Variants in IGFBP3 observed in about 807,000 individuals in gnomAD.
IGFBP3 encodes insulin like growth factor binding protein 3.
Under a neutral mutation model 28.6 loss-of-function variants are expected in IGFBP3, and 9 were observed. The ratio of observed to expected loss-of-function variants is 0.31; its 90% CI spans 0.19 to 0.55. The LOEUF (loss-of-function observed/expected upper bound fraction) is 0.55. Among genes scored for constraint, IGFBP3 ranks in the 20% least tolerant of loss-of-function variants. The pLI is 0.93. For missense variants in IGFBP3, 382 were observed against 428.9 expected (o/e 0.89, Z 0.97); for synonymous variants, 185 against 188.2 (o/e 0.98, Z 0.14).
Position 45,920,562 on chromosome 7 carries a change from G to T in IGFBP3, c.403+176C>A, listed in dbSNP as rs1424293428. 5.9e-6 allele frequency: 3 copies of T among 511,752 alleles called. No homozygotes were observed. The Admixed American group carries it at 1.3e-4, about 23-fold the overall frequency. The allele number at this position is 511,752 out of a possible 1,614,324, so 31.7% of individuals were successfully genotyped here. A position where few individuals can be genotyped will look rare whatever the true frequency, so the allele number is the denominator to read the frequency against. Reference sequence around the variant, plus strand: ...ATCGAGCAAGTAGAGGGCCGGCTGGGGAGGGTCCCTCCGGCGACCGCCTTC... The same window carrying T: ...ATCGAGCAAGTAGAGGGCCGGCTGGTGAGGGTCCCTCCGGCGACCGCCTTC... On this transcript the variant is annotated intron_variant, in intron 1 of 4. Transcript: ENST00000613132.
chr7:45,920,825 C>T lies in IGFBP3; in HGVS notation c.316G>A (p.Ala106Thr). The change falls in exon 1 of 5, where the codon GCG becomes ACG. Residue 106 changes from alanine to threonine, a missense_variant. By Grantham distance (58) the Ala-to-Thr change is moderately conservative. Transcript: ENST00000613132. Reference sequence around the variant, plus strand: ...CAGAGCCCGCGGCCGTCCAGCAGCGCCTGCAGCGGTCGCGCCTCGTCGGGC... The same window carrying T: ...CAGAGCCCGCGGCCGTCCAGCAGCGTCTGCAGCGGTCGCGCCTCGTCGGGC... ...PSPDEARPLQ[A>T]LLDGRGLCVN... 7.1e-7 allele frequency: 1 copy of T among 1,407,690 alleles called. No individual in the cohort carries two copies. Among genetic ancestry groups the T allele is most frequent in the Non-Finnish European group, 9.2e-7 (1 of 1,089,636 alleles). The allele number at this position is 1,407,690 out of a possible 1,614,324, so 87.2% of individuals were successfully genotyped here. A position where few individuals can be genotyped will look rare whatever the true frequency, so the allele number is the denominator to read the frequency against.
At position 45,912,824 on chromosome 7, in the gene IGFBP3, T is replaced by C. The variant is rs1359817537; in HGVS notation, c.*1026A>G. On this transcript the variant is annotated 3_prime_UTR_variant, in exon 5 of 5. Coordinates refer to ENST00000613132, the MANE Select transcript of IGFBP3 (RefSeq NM_000598.5). ...TTCAACAAACATGGGTGAATCTCTATGTGCTCCCAGTGTCCTGGATGGGCT... is the reference window on the plus strand; with the variant it reads ...TTCAACAAACATGGGTGAATCTCTACGTGCTCCCAGTGTCCTGGATGGGCT... The C allele has an allele frequency of 6.6e-6, 1 of 152,666 alleles. No individual in the cohort carries two copies. The highest frequency in any genetic ancestry group is 1.5e-5 in the Non-Finnish European group (1 of 68,050). The allele number at this position is 152,666 out of a possible 1,614,324, so 9.5% of individuals were successfully genotyped here.
Position 45,914,795 on chromosome 7 carries a change from G to C in IGFBP3, c.*15+10C>G. On this transcript the variant is annotated intron_variant, in intron 4 of 4. Transcript: ENST00000613132. ...CCTGGAGCCCCAGGCTGCCCCTCCT[G>C]AGTACTCACCCTTGCGGCAGGCGTC... The C allele has an allele frequency of 1.9e-6, 3 of 1,612,804 alleles. No individual in the cohort carries two copies. Among genetic ancestry groups the C allele is most frequent in the Non-Finnish European group, 2.5e-6 (3 of 1,179,256 alleles).
In IGFBP3 at chr7:45,914,796, A is replaced by G. The variant is rs771979362; in HGVS notation, c.*15+9T>C. On this transcript the variant is annotated intron_variant, in intron 4 of 4. Coordinates refer to ENST00000613132, the MANE Select transcript of IGFBP3 (RefSeq NM_000598.5). ...CTGGAGCCCCAGGCTGCCCCTCCTG[A>G]GTACTCACCCTTGCGGCAGGCGTCT... 6.2e-7 allele frequency: 1 copy of G among 1,612,878 alleles called. No individual in the cohort carries two copies. Among genetic ancestry groups the G allele is most frequent in the Admixed American group, 1.7e-5 (1 of 59,968 alleles).
intron 1 of IGFBP3, 198 bp downstream of exon 1, chr7:45,920,540 G>A (rs1048888605): frequency 2.2e-6 from 1 of 446,542 alleles, no homozygotes; most frequent in Non-Finnish European, 3.8e-6. Flanking sequence ...TTAGAGAATC[G>A]AGCAAGTAGA....
chr7:45,920,345 T>TA (rs2116584218), intron 1 of IGFBP3: 1 of 117,528 alleles, frequency 8.5e-6, no homozygotes, highest in East Asian at 1.8e-4. Flanking sequence ...CAAATCCGCC[T>TA]ATATCCCCCC....
rs140518690 is a variant in IGFBP3 at position 45,916,081 on chromosome 7, C to T, written c.750+467G>A. 8.3e-4 allele frequency among the ~76,000 whole-genome samples: 126 copies of T among 152,304 alleles called. 3 individuals are homozygous for T. The East Asian group carries it at 0.014, about 17-fold the overall frequency. On this transcript the variant is annotated intron_variant, in intron 3 of 4. Transcript: ENST00000613132. ...CTTAATATTGCAACCTGCTCACTAT[C>T]GGGAAGGCATCAGTAGGAAAGGGGA...
At chr7:45,920,550 A>T (rs1784670445) in intron 1 of IGFBP3, 188 bp downstream of exon 1, 1 of 467,496 alleles carries the variant, frequency 2.1e-6, no homozygotes, top group Non-Finnish European at 3.6e-6. Flanking sequence ...GAGCAAGTAG[A>T]GGGCCGGCTG....
At chr7:45,915,892 T>A (rs998783405) in intron 3 of IGFBP3, among the ~76,000 whole-genome samples, 6 of 152,040 alleles carry the variant, frequency 3.9e-5, no homozygotes, top group African/African-American at 1.4e-4. Context: ...TCAAGTTCCA[T>A]CCCCTCCACG....
At chr7:45,915,035 G>C in intron 3 of IGFBP3, 90 bp from the exon 4 acceptor site, 1 of 1,462,924 alleles carries the variant, frequency 6.8e-7, no homozygotes, top group Non-Finnish European at 9.4e-7. Flanking sequence ...TTGCCAGCGT[G>C]ACTCTGCTAT....
intron 1 of IGFBP3, chr7:45,919,916 AT>A (rs1326063773): frequency 2.8e-5 from 3 of 105,934 alleles, no homozygotes; most frequent in African/African-American, 1.2e-4. Context: ...ACAACATCTC[AT>A]TCCCCCCCCC....
chr7:45,916,077 C>CT (rs1267001390), intron 3 of IGFBP3, among the ~76,000 whole-genome samples: 4 of 152,218 alleles, frequency 2.6e-5, no homozygotes, highest in Non-Finnish European at 5.9e-5. Context: ...AACCTGCTCA[C>CT]TATCGGGAAG....
rs901834642 is a variant in IGFBP3 at position 45,915,061 on chromosome 7, C to T, written c.751-116G>A. ...ACTCTGCTATGCTGAGAAAGCACAACAGAAATTTCAGCTAAGGCAACACAA... is the reference window on the plus strand; with the variant it reads ...ACTCTGCTATGCTGAGAAAGCACAATAGAAATTTCAGCTAAGGCAACACAA... On this transcript the variant is annotated intron_variant, in intron 3 of 4. Coordinates refer to ENST00000613132, the MANE Select transcript of IGFBP3 (RefSeq NM_000598.5). 5.5e-6 allele frequency: 7 copies of T among 1,267,854 alleles called. No homozygotes were observed. In the African/African-American group the frequency reaches 8.9e-5, roughly 16 times the overall value. The allele number at this position is 1,267,854 out of a possible 1,614,324, so 78.5% of individuals were successfully genotyped here. A position where few individuals can be genotyped will look rare whatever the true frequency, so the allele number is the denominator to read the frequency against.
rs1353244113 is a variant in IGFBP3, at chr7:45,914,962, G to A, written c.751-17C>T. ...AGGGCGACACTGTGGGAGAGAAACA[G>A]AAGACAGAGAAGTGAATGCTCCTGG... On this transcript the variant is annotated splice_polypyrimidine_tract_variant and intron_variant, in intron 3 of 4. Coordinates refer to ENST00000613132, the MANE Select transcript of IGFBP3 (RefSeq NM_000598.5). 2 of 1,613,190 alleles carry A rather than the reference G, an allele frequency of 1.2e-6. No homozygotes were observed. Among genetic ancestry groups the A allele is most frequent in the African/African-American group, 1.3e-5 (1 of 74,930 alleles).
chr7:45,914,878 G>T lies in IGFBP3; in HGVS notation c.818C>A (p.Pro273Gln). 1 of 1,614,004 alleles carries T rather than the reference G, an allele frequency of 6.2e-7. No individual in the cohort carries two copies. The highest frequency in any genetic ancestry group is 8.5e-7 in the Non-Finnish European group (1 of 1,179,878). ...WCVDKYGQPL[P>Q]GYTTKGKEDV... is the part of the protein sequence containing the mutation. ...CTCCTTCCCCTTGGTGGTGTAGCCTGGGAGAGGCTGCCCATACTTATCCAC... is the reference window on the plus strand; with the variant it reads ...CTCCTTCCCCTTGGTGGTGTAGCCTTGGAGAGGCTGCCCATACTTATCCAC... Residue 273 changes from proline (P) to glutamine (Q), a missense_variant, in exon 4 of 5, where the codon CCA becomes CAA. Transcript: ENST00000613132.
intron 4 of IGFBP3, 196 bp from the exon 5 acceptor site, chr7:45,914,030 A>C (rs1263832221): frequency 6.6e-6 from 1 of 152,176 alleles, no homozygotes; most frequent in Non-Finnish European, 1.5e-5. Context: ...ATTGTCAAAG[A>C]GTTACCCTTA....
At position 45,917,194 on chromosome 7, in the gene IGFBP3, C is replaced by T; in HGVS notation, c.630+19G>A. Reference sequence around the variant, plus strand: ...GGCAGGTCTTGCCCTCCTCCTTTAACAAGAGGAAAAGCTCTCACATATTCT... The same window carrying T: ...GGCAGGTCTTGCCCTCCTCCTTTAATAAGAGGAAAAGCTCTCACATATTCT... On this transcript the variant is annotated intron_variant, in intron 2 of 4. Coordinates refer to ENST00000613132, the MANE Select transcript of IGFBP3 (RefSeq NM_000598.5). 2 of 1,589,340 alleles carry T rather than the reference C, an allele frequency of 1.3e-6. 1 individual carries two copies. The highest frequency in any genetic ancestry group is 4.5e-5 in the East Asian group (2 of 44,722).
Position 45,913,368 on chromosome 7 carries a change from A to G in IGFBP3, c.*482T>C, listed in dbSNP as rs1784568434. On this transcript the variant is annotated 3_prime_UTR_variant, in exon 5 of 5. Coordinates refer to ENST00000613132, the MANE Select transcript of IGFBP3 (RefSeq NM_000598.5). ...AGAAATGACACCACAGAAGGCTGTG[A>G]GCTCCAGGAGCATGCGTTGGGATGT... 1 of 152,326 alleles carries G rather than the reference A, an allele frequency of 6.6e-6. No homozygotes were observed. The highest frequency in any genetic ancestry group is 2.4e-5 in the African/African-American group (1 of 41,470). 9.4% of individuals were successfully genotyped at this position (152,326 alleles called of 1,614,324 possible).
In IGFBP3 at chr7:45,912,396, G is replaced by T. The variant is rs931798779; in HGVS notation, c.*1454C>A. 3.3e-5 allele frequency: 5 copies of T among 151,918 alleles called. No homozygotes were observed. Among genetic ancestry groups the T allele is most frequent in the South Asian group, 2.1e-4 (1 of 4,824 alleles). The allele number at this position is 151,918 out of a possible 1,614,324, so 9.4% of individuals were successfully genotyped here. A position where few individuals can be genotyped will look rare whatever the true frequency, so the allele number is the denominator to read the frequency against. On this transcript the variant is annotated 3_prime_UTR_variant, in exon 5 of 5. Coordinates refer to ENST00000613132, the MANE Select transcript of IGFBP3 (RefSeq NM_000598.5). ...TTTATTTACTATTTATAAATACATT[G>T]CAAGACAAACTTCTCAAAAATACTT...
Sources: allele counts gnomAD v4.1 joint callset (sites outside exome capture counted in the v4.1 genomes callset), GRCh38; gene constraint gnomAD v4.1.1; transcripts MANE v1.5; gene names NCBI Gene and HGNC (gene_info 2026-07-23, HGNC 2026-07-21).